LRRTM4: variants seen among roughly 807,000 people sequenced by gnomAD.
LRRTM4 encodes the protein leucine rich repeat transmembrane neuronal 4.
LRRTM4 carries 25 observed loss-of-function variants against 47.6 expected under a neutral mutation model. That is an observed-to-expected ratio of 0.53 (90% CI 0.38 to 0.73). The LOEUF is 0.73. Ranked by LOEUF, LRRTM4 falls within the 30% of genes least tolerant of loss-of-function variation. LRRTM4 has a pLI of 0.00. For synonymous variants in LRRTM4, 311 were observed against 269.5 expected, an observed-to-expected ratio of 1.15 and a Z score of -1.51; for missense variants, 638 against 713.4, an observed-to-expected ratio of 0.89 and a Z score of 1.20.
chr2:77,456,266 A>G (rs1215436785), intron 3 of LRRTM4, among the ~76,000 whole-genome samples: 1 of 152,184 alleles, frequency 6.6e-6, no homozygotes, highest in Non-Finnish European at 1.5e-5. Context: ...TGAAAGTTTT[A>G]CTATTTCCCC....
intron 3 of LRRTM4, among the ~76,000 whole-genome samples, chr2:77,181,055 AC>A (rs1410432905): frequency 4.6e-5 from 7 of 152,184 alleles, no homozygotes; most frequent in African/African-American, 1.7e-4. Flanking sequence ...GTCCATACTT[AC>A]AAATGACTTT....
intron 3 of LRRTM4, among the ~76,000 whole-genome samples, chr2:76,892,412 T>C (rs1477756105): frequency 6.6e-6 from 1 of 151,796 alleles, no homozygotes; most frequent in African/African-American, 2.4e-5. Flanking sequence ...TTTAGAAACA[T>C]GTGCCCTGCA....
At chr2:76,878,049 T>G (rs933577325) in intron 3 of LRRTM4, among the ~76,000 whole-genome samples, 1 of 152,190 alleles carries the variant, frequency 6.6e-6, no homozygotes, top group Non-Finnish European at 1.5e-5. Context: ...CAACCCATTT[T>G]TGCAACAGCG....
At chr2:76,810,945 C>G (rs1024426537) in intron 3 of LRRTM4, among the ~76,000 whole-genome samples, 5 of 152,034 alleles carry the variant, frequency 3.3e-5, no homozygotes, top group African/African-American at 1.2e-4. Context: ...AATAGCACAC[C>G]TGGTGATATT....
intron 3 of LRRTM4, among the ~76,000 whole-genome samples, chr2:77,305,241 T>C (rs1677240866): frequency 6.6e-6 from 1 of 152,064 alleles, no homozygotes; most frequent in Admixed American, 6.5e-5. Context: ...CAGAAATTAA[T>C]TTTTCCAATT....
At chr2:76,876,535 G>C (rs936183992) in intron 3 of LRRTM4, among the ~76,000 whole-genome samples, 2 of 152,022 alleles carry the variant, frequency 1.3e-5, no homozygotes, top group Admixed American at 1.3e-4. Context: ...CTTTGTATTT[G>C]ATACACAAAA....
rs368098382 is a variant in LRRTM4, at chr2:77,351,305, G to C, written c.1551+167013C>G. 4.7e-4 allele frequency among the ~76,000 whole-genome samples: 72 copies of C among 151,634 alleles called. 1 individual carries two copies. In the South Asian group the frequency reaches 0.015, roughly 31 times the overall value. On this transcript the variant is annotated intron_variant, in intron 3 of 3. Transcript: ENST00000409884. ...AAAAAACACATAAAATTCAGAAAGA[G>C]ATGCCTAGTTTGACAAGGTATTCCC...
At chr2:76,975,808 C>G (rs897131213) in intron 3 of LRRTM4, among the ~76,000 whole-genome samples, 1 of 151,684 alleles carries the variant, frequency 6.6e-6, no homozygotes, top group East Asian at 1.9e-4. Context: ...AAATCAGTGT[C>G]TTATACTCTC....
At chr2:76,879,391 T>C (rs1303702545) in intron 3 of LRRTM4, among the ~76,000 whole-genome samples, 1 of 152,178 alleles carries the variant, frequency 6.6e-6, no homozygotes, top group Non-Finnish European at 1.5e-5. Flanking sequence ...TTAAGAATTA[T>C]ACTAAAACTA....
intron 3 of LRRTM4, among the ~76,000 whole-genome samples, chr2:76,949,984 C>T (rs975754052): frequency 1.1e-4 from 17 of 151,722 alleles, no homozygotes; most frequent in African/African-American, 4.1e-4. Flanking sequence ...ATATATAAAA[C>T]TGGTGAAAAG....
chr2:76,873,394 T>C (rs1023436692), intron 3 of LRRTM4, among the ~76,000 whole-genome samples: 1 of 151,126 alleles, frequency 6.6e-6, no homozygotes, highest in African/African-American at 2.4e-5. Flanking sequence ...TATAAATATA[T>C]AGTCTGTATA....
intron 3 of LRRTM4, among the ~76,000 whole-genome samples, chr2:77,173,011 C>T (rs995853647): frequency 1.3e-5 from 2 of 152,128 alleles, no homozygotes; most frequent in Admixed American, 1.3e-4. Flanking sequence ...CTCAATGTCT[C>T]AGTAAAGCAA....
chr2:77,038,755 C>T (rs1678926698), intron 3 of LRRTM4, among the ~76,000 whole-genome samples: 1 of 151,446 alleles, frequency 6.6e-6, no homozygotes, highest in African/African-American at 2.4e-5. Context: ...CTCAAGTTAT[C>T]CTGCAACACA....
intron 3 of LRRTM4, among the ~76,000 whole-genome samples, chr2:77,202,336 C>T (rs150541255): frequency 0.017 from 2,595 of 152,054 alleles, 34 homozygotes; most frequent in Middle Eastern, 0.054. Flanking sequence ...CACATCAATC[C>T]GGAGTTTATG....
At chr2:77,321,368 A>G (rs1375246722) in intron 3 of LRRTM4, among the ~76,000 whole-genome samples, 1 of 152,120 alleles carries the variant, frequency 6.6e-6, no homozygotes, top group Non-Finnish European at 1.5e-5. Context: ...TGGTATATAA[A>G]TAAGAGTATT....
At chr2:77,494,165 A>C (rs959215444) in intron 3 of LRRTM4, among the ~76,000 whole-genome samples, 3 of 152,162 alleles carry the variant, frequency 2.0e-5, no homozygotes, top group Non-Finnish European at 4.4e-5. Flanking sequence ...TACAGCGAAA[A>C]TCAATTGCTG....
chr2:77,106,142 C>T (rs998522683), intron 3 of LRRTM4, among the ~76,000 whole-genome samples: 6 of 152,070 alleles, frequency 3.9e-5, no homozygotes, highest in African/African-American at 1.4e-4. Flanking sequence ...TTAAAGAGGC[C>T]TTCCCTGACC....
chr2:77,275,427 T>C (rs1558664142), intron 3 of LRRTM4, among the ~76,000 whole-genome samples: 1 of 152,128 alleles, frequency 6.6e-6, no homozygotes, highest in South Asian at 2.1e-4. Context: ...ATGCAATCAA[T>C]AGAAGCTCAG....
intron 3 of LRRTM4, among the ~76,000 whole-genome samples, chr2:77,480,835 G>GAA (rs1677669050): frequency 2.0e-5 from 1 of 51,198 alleles, no homozygotes; most frequent in Non-Finnish European, 4.6e-5. Flanking sequence ...GAGAGAGAGA[G>GAA]AGAGAGAGAG....
Sources: allele counts gnomAD v4.1 joint callset (sites outside exome capture counted in the v4.1 genomes callset), GRCh38; gene constraint gnomAD v4.1.1; transcripts MANE v1.5; gene names NCBI Gene and HGNC (gene_info 2026-07-23, HGNC 2026-07-21).